Variants in SAR1B observed in about 807,000 individuals in gnomAD.
The protein encoded by SAR1B is small COPII coat GTPase SAR1B.
Under a neutral mutation model 26.8 loss-of-function variants are expected in SAR1B, and 23 were observed. That is an observed-to-expected ratio of 0.86 (90% confidence interval 0.62 to 1.22). The LOEUF (loss-of-function observed/expected upper bound fraction) is 1.22, where lower values mean the gene tolerates loss of function less well. SAR1B is among the 50% of genes most tolerant of loss of function. SAR1B has a pLI of 0.00. For synonymous variants in SAR1B, 65 were observed against 80.8 expected, an observed-to-expected ratio of 0.80 and a Z score of 1.05; for missense variants, 196 against 232.8, an observed-to-expected ratio of 0.84 and a Z score of 1.03.
chr5:134,627,138 A>G (rs1580657048), intron 1 of SAR1B, among the ~76,000 whole-genome samples: 1 of 151,270 alleles, frequency 6.6e-6, no homozygotes, highest in African/African-American at 2.4e-5. Context: ...TGTAAGCTCC[A>G]CCTCCCAGGT....
At chr5:134,627,471 C>G (rs1765513157) in intron 1 of SAR1B, among the ~76,000 whole-genome samples, 1 of 152,012 alleles carries the variant, frequency 6.6e-6, no homozygotes, top group African/African-American at 2.4e-5. Flanking sequence ...TACCTGGGGG[C>G]TACAGGCATA....
chr5:134,626,497 C>T (rs1765496964), intron 1 of SAR1B, among the ~76,000 whole-genome samples: 2 of 152,004 alleles, frequency 1.3e-5, no homozygotes, highest in Non-Finnish European at 2.9e-5. Flanking sequence ...ACACCATGAA[C>T]ACACTATTAA....
intron 3 of SAR1B, chr5:134,614,992 T>G (rs1765283430): frequency 6.6e-6 from 1 of 152,174 alleles, no homozygotes; most frequent in African/African-American, 2.4e-5. Flanking sequence ...AAAGCACAAG[T>G]GCCCCATAAT....
rs1765124551 is a variant in SAR1B, at chr5:134,606,164, G to C, written c.*786C>G. On this transcript the variant is annotated 3_prime_UTR_variant, in exon 7 of 7. Transcript: ENST00000402673. Reference sequence around the variant, plus strand: ...CAGAAGGCCAATCCCACAGGGACTAGGACACAGACCCCATCAGCAATGGTA... The same window carrying C: ...CAGAAGGCCAATCCCACAGGGACTACGACACAGACCCCATCAGCAATGGTA... 1.3e-5 allele frequency: 2 copies of C among 152,310 alleles called. No homozygotes were observed. Among genetic ancestry groups the C allele is most frequent in the African/African-American group, 4.8e-5 (2 of 41,426 alleles). 9.4% of individuals were successfully genotyped at this position (152,310 alleles called of 1,614,324 possible).
In SAR1B at chr5:134,606,592, AC is replaced by A; in HGVS notation, c.*357del. The A allele has an allele frequency of 4.2e-6, 1 of 239,094 alleles. No individual in the cohort carries two copies. The highest frequency in any genetic ancestry group is 5.5e-5 in the South Asian group (1 of 18,244). The allele number at this position is 239,094 out of a possible 1,614,324, so 14.8% of individuals were successfully genotyped here. A position where few individuals can be genotyped will look rare whatever the true frequency, so the allele number is the denominator to read the frequency against. ...ATTTAAAAACTAGTTCCAGAAAAGT[AC>A]ATAAAAAATTTAACATGATGAGCTT... On this transcript the variant is annotated 3_prime_UTR_variant, in exon 7 of 7. Transcript: ENST00000402673.
intron 1 of SAR1B, among the ~76,000 whole-genome samples, chr5:134,630,889 C>CTTTTTTTT (rs781218368): frequency 1.6e-4 from 11 of 69,124 alleles, no homozygotes; most frequent in East Asian, 4.6e-4. Context: ...CTTTTTTTTT[C>CTTTTTTTT]TTTTTTTTTT....
chr5:134,607,368 C>T (rs1184136883), intron 6 of SAR1B, among the ~76,000 whole-genome samples: 1 of 152,170 alleles, frequency 6.6e-6, no homozygotes, highest in Non-Finnish European at 1.5e-5. Flanking sequence ...TAAAGACAAA[C>T]ATTCCCTGAG....
intron 3 of SAR1B, 152 bp downstream of exon 3, chr5:134,620,781 G>T: frequency 2.3e-6 from 2 of 863,166 alleles, no homozygotes; most frequent in South Asian, 2.9e-5. Flanking sequence ...TTAAGCCCAG[G>T]AGACAGAGGT....
chr5:134,619,615 C>CA (rs1170505411), intron 3 of SAR1B, among the ~76,000 whole-genome samples: 2 of 152,076 alleles, frequency 1.3e-5, no homozygotes, highest in Non-Finnish European at 2.9e-5. Flanking sequence ...TCTCCTGCCT[C>CA]AGCCTCCCAA....
chr5:134,626,467 C>A lies in SAR1B; in HGVS notation c.-18-2430G>T, dbSNP rs79276594. Among the ~76,000 whole-genome samples the A allele has an allele frequency of 5.0e-3, 753 of 152,056 alleles. 8 individuals are homozygous for A. The highest frequency in any genetic ancestry group is 0.017 in the African/African-American group (700 of 41,458). ...ACTTAGCTGCAAACAGATACCTGAG[C>A]CCAGAAAACAGGTTACACAACACCA... is the stretch of plus-strand genomic sequence containing the variant. On this transcript the variant is annotated intron_variant, in intron 1 of 6. Coordinates refer to ENST00000402673, the MANE Select transcript of SAR1B (RefSeq NM_016103.4).
At position 134,606,706 on chromosome 5, in the gene SAR1B, T is replaced by C. The variant is rs935608151; in HGVS notation, c.*244A>G. 4.5e-6 allele frequency: 2 copies of C among 448,300 alleles called. No homozygotes were observed. Among genetic ancestry groups the C allele is most frequent in the African/African-American group, 4.0e-5 (2 of 50,304 alleles). 27.8% of individuals were successfully genotyped at this position (448,300 alleles called of 1,614,324 possible). A position where few individuals can be genotyped will look rare whatever the true frequency, so the allele number is the denominator to read the frequency against. On this transcript the variant is annotated 3_prime_UTR_variant, in exon 7 of 7. Transcript: ENST00000402673. Reference sequence around the variant, plus strand: ...CTCTTTACAAATGGCGCTGGGGTGATGTCAGATTATAAACTGTAAAAACCA... The same window carrying C: ...CTCTTTACAAATGGCGCTGGGGTGACGTCAGATTATAAACTGTAAAAACCA...
chr5:134,614,200 T>C (rs115235418), intron 3 of SAR1B: 1 of 152,308 alleles, frequency 6.6e-6, no homozygotes, highest in African/African-American at 2.4e-5. Context: ...GTATTTTTCA[T>C]TTCTAGAAGT....
chr5:134,606,779 C>G lies in SAR1B; in HGVS notation c.*171G>C. 1.6e-6 allele frequency: 1 copy of G among 629,042 alleles called. No homozygotes were observed. Among genetic ancestry groups the G allele is most frequent in the East Asian group, 3.0e-5 (1 of 33,520 alleles). The allele number at this position is 629,042 out of a possible 1,614,324, so 39.0% of individuals were successfully genotyped here. A position where few individuals can be genotyped will look rare whatever the true frequency, so the allele number is the denominator to read the frequency against. On this transcript the variant is annotated 3_prime_UTR_variant, in exon 7 of 7. Coordinates refer to ENST00000402673, the MANE Select transcript of SAR1B (RefSeq NM_016103.4). ...GCTAACATTGTGATACTCAAACTTA[C>G]TTGAATCAGTTTTCAATTCTCATTC...
intron 3 of SAR1B, among the ~76,000 whole-genome samples, chr5:134,617,329 G>A (rs535409775): frequency 2.0e-5 from 3 of 152,078 alleles, no homozygotes; most frequent in Admixed American, 6.6e-5. Context: ...CATTTCTCTC[G>A]GGTAAGTAAC....
chr5:134,620,260 C>T (rs192969106), intron 3 of SAR1B, among the ~76,000 whole-genome samples: 74 of 150,614 alleles, frequency 4.9e-4, no homozygotes, highest in African/African-American at 1.7e-3. Flanking sequence ...GAGCGGAGGT[C>T]GTGCCACTGC....
At chr5:134,622,171 CACTT>C (rs766106573) in intron 2 of SAR1B, among the ~76,000 whole-genome samples, 8 of 152,138 alleles carry the variant, frequency 5.3e-5, no homozygotes, top group African/African-American at 9.7e-5. Context: ...ACTAAAATAA[CACTT>C]ACTCCTTTGT....
In SAR1B at chr5:134,626,544, T is replaced by C. The variant is rs1396823512; in HGVS notation, c.-18-2507A>G. 2.6e-5 allele frequency among the ~76,000 whole-genome samples: 4 copies of C among 152,080 alleles called. No individual in the cohort carries two copies. The East Asian group carries it at 7.7e-4, about 29-fold the overall frequency. ...AGCAAAGGTCAAGAACAAGGAAACA[T>C]ACACACGTCAGCAGATTTATTTATT... On this transcript the variant is annotated intron_variant, in intron 1 of 6. Transcript: ENST00000402673.
At chr5:134,607,980 T>C (rs185620944) in intron 6 of SAR1B, among the ~76,000 whole-genome samples, 7 of 152,214 alleles carry the variant, frequency 4.6e-5, no homozygotes, top group Non-Finnish European at 7.3e-5. Context: ...AAAGTATATG[T>C]TCAGAAAACC....
chr5:134,630,889 C>CTTTTTT (rs781218368), intron 1 of SAR1B, among the ~76,000 whole-genome samples: 46 of 69,132 alleles, frequency 6.7e-4, no homozygotes, highest in Non-Finnish European at 8.2e-4. Context: ...CTTTTTTTTT[C>CTTTTTT]TTTTTTTTTT....
Sources: allele counts gnomAD v4.1 joint callset (sites outside exome capture counted in the v4.1 genomes callset), GRCh38; gene constraint gnomAD v4.1.1; transcripts MANE v1.5; gene names NCBI Gene and HGNC (gene_info 2026-07-23, HGNC 2026-07-21).